The following LMBRD1 variants were observed in gnomAD, a reference collection of about 807,000 sequenced individuals.
LMBRD1 encodes the protein lysosomal cobalamin transport escort protein LMBD1.
Under a neutral mutation model 74.8 loss-of-function variants are expected in LMBRD1, and 64 were observed. That is an observed-to-expected ratio of 0.86 (90% CI 0.70 to 1.05). The LOEUF (loss-of-function observed/expected upper bound fraction) is 1.05, where lower values mean the gene tolerates loss of function less well. Ranked by LOEUF, LMBRD1 falls within the 50% of genes least tolerant of loss-of-function variation. The probability of loss-of-function intolerance (pLI) is 0.00; values close to 1 mark genes in which losing one functional copy is unlikely to be tolerated. For missense variants in LMBRD1, 652 were observed against 645.9 expected, an observed-to-expected ratio of 1.01 and a Z score of -0.10; for synonymous variants, 204 against 216.3, an observed-to-expected ratio of 0.94 and a Z score of 0.50.
intron 3 of LMBRD1, among the ~76,000 whole-genome samples, chr6:69,757,852 A>G (rs1765298828): frequency 6.6e-6 from 1 of 152,212 alleles, no homozygotes; most frequent in African/African-American, 2.4e-5. Context: ...ACTAGCAAAT[A>G]AAAGATAAAC....
At chr6:69,680,592 A>G (rs551851911) in intron 14 of LMBRD1, among the ~76,000 whole-genome samples, 2 of 152,106 alleles carry the variant, frequency 1.3e-5, no homozygotes, top group Non-Finnish European at 2.9e-5. Flanking sequence ...TTACCTTTTT[A>G]AAAGGTTGTG....
intron 7 of LMBRD1, among the ~76,000 whole-genome samples, chr6:69,733,670 G>C (rs947140233): frequency 5.3e-5 from 8 of 152,176 alleles, no homozygotes; most frequent in African/African-American, 1.9e-4. Context: ...ATCATGGCTT[G>C]GCAGCAAAAC....
chr6:69,729,235 T>G (rs1766799929), intron 7 of LMBRD1, among the ~76,000 whole-genome samples: 1 of 147,638 alleles, frequency 6.8e-6, no homozygotes, highest in Non-Finnish European at 1.5e-5. Flanking sequence ...TCATCTTATT[T>G]CATTAACAAC....
At chr6:69,708,662 A>AAT (rs1766314862) in intron 9 of LMBRD1, among the ~76,000 whole-genome samples, 1 of 151,930 alleles carries the variant, frequency 6.6e-6, no homozygotes. Context: ...CAAAAAAAAA[A>AAT]ATCCTCTACT....
At chr6:69,721,137 G>A (rs1766605335) in intron 7 of LMBRD1, among the ~76,000 whole-genome samples, 1 of 152,180 alleles carries the variant, frequency 6.6e-6, no homozygotes, top group Non-Finnish European at 1.5e-5. Flanking sequence ...AAAATGCTCT[G>A]GAATCCTAGG....
chr6:69,742,586 G>A (rs540858705), intron 5 of LMBRD1, among the ~76,000 whole-genome samples: 1 of 152,238 alleles, frequency 6.6e-6, no homozygotes, highest in Admixed American at 6.5e-5. Context: ...TTAAGGTAAA[G>A]AGCTGGGTAT....
chr6:69,723,376 C>A (rs1190231120), intron 7 of LMBRD1, among the ~76,000 whole-genome samples: 3 of 152,086 alleles, frequency 2.0e-5, no homozygotes, highest in African/African-American at 7.2e-5. Flanking sequence ...ATATTCTTTT[C>A]CTTAGCACAT....
intron 6 of LMBRD1, among the ~76,000 whole-genome samples, chr6:69,738,240 T>C (rs1767017901): frequency 6.6e-6 from 1 of 152,300 alleles, no homozygotes; most frequent in Admixed American, 6.5e-5. Flanking sequence ...TGAGATTTTC[T>C]TTCCTTCACG....
intron 9 of LMBRD1, among the ~76,000 whole-genome samples, chr6:69,706,874 T>G (rs1308400929): frequency 6.6e-6 from 1 of 152,174 alleles, no homozygotes; most frequent in Non-Finnish European, 1.5e-5. Flanking sequence ...CACCACAAAC[T>G]TAGTGGCCTG....
chr6:69,780,660 C>T (rs2149893268), intron 2 of LMBRD1, 106 bp from the exon 3 acceptor site: 1 of 821,558 alleles, frequency 1.2e-6, no homozygotes, highest in Non-Finnish European at 2.1e-6. Flanking sequence ...ATCTATCCAC[C>T]CACATAAAAA....
chr6:69,717,139 G>A (rs200842845), intron 8 of LMBRD1, among the ~76,000 whole-genome samples: 2 of 151,884 alleles, frequency 1.3e-5, no homozygotes, highest in African/African-American at 2.4e-5. Context: ...GGATTATTTT[G>A]TATTACATCT....
intron 3 of LMBRD1, among the ~76,000 whole-genome samples, chr6:69,760,020 G>T (rs932533400): frequency 2.0e-5 from 3 of 152,030 alleles, no homozygotes; most frequent in African/African-American, 7.2e-5. Context: ...AGAATATAGA[G>T]CAACTAGAAG....
chr6:69,780,633 T>C, intron 2 of LMBRD1, 79 bp from the exon 3 acceptor site: 1 of 1,037,414 alleles, frequency 9.6e-7, no homozygotes, highest in Non-Finnish European at 1.5e-6. Context: ...TTAATACGAC[T>C]GAATATCACT....
intron 14 of LMBRD1, 144 bp downstream of exon 14, chr6:69,697,419 A>G (rs1036034067): frequency 7.2e-5 from 46 of 637,966 alleles, no homozygotes; most frequent in Non-Finnish European, 1.2e-4. Flanking sequence ...AAGAAATTCT[A>G]CTGAAGAGAT....
intron 9 of LMBRD1, among the ~76,000 whole-genome samples, chr6:69,708,148 C>A (rs914775760): frequency 6.6e-6 from 1 of 152,164 alleles, no homozygotes; most frequent in Non-Finnish European, 1.5e-5. Context: ...AAAGTATACT[C>A]TTCTGTCAGG....
At chr6:69,767,873 T>C (rs1418941513) in intron 3 of LMBRD1, among the ~76,000 whole-genome samples, 1 of 151,944 alleles carries the variant, frequency 6.6e-6, no homozygotes, top group Non-Finnish European at 1.5e-5. Context: ...ATTTGTGTAT[T>C]TTAAAGCTCT....
chr6:69,786,497 T>A (rs1332147111), intron 2 of LMBRD1, among the ~76,000 whole-genome samples: 2 of 151,948 alleles, frequency 1.3e-5, no homozygotes, highest in Non-Finnish European at 2.9e-5. Flanking sequence ...TTTTTTTTTT[T>A]ACTATTGGAT....
intron 3 of LMBRD1, among the ~76,000 whole-genome samples, chr6:69,767,264 C>A (rs896936745): frequency 6.6e-6 from 1 of 151,242 alleles, no homozygotes; most frequent in African/African-American, 2.4e-5. Context: ...TCAGTTTGCT[C>A]TTCTTTTTCT....
chr6:69,761,734 A>G (rs1252889369), intron 3 of LMBRD1, among the ~76,000 whole-genome samples: 1 of 152,194 alleles, frequency 6.6e-6, no homozygotes. Context: ...CATCACTACA[A>G]TCCAGTTTTA....
Sources: allele counts gnomAD v4.1 joint callset (sites outside exome capture counted in the v4.1 genomes callset), GRCh38; gene constraint gnomAD v4.1.1; transcripts MANE v1.5; gene names NCBI Gene and HGNC (gene_info 2026-07-23, HGNC 2026-07-21).